The following HCRTR1 variants were observed in gnomAD, a reference collection of about 807,000 sequenced individuals.
HCRTR1 encodes the protein orexin/Hypocretin receptor type 1.
In HCRTR1, 28 loss-of-function variants were observed where a neutral mutation model predicts 40.6. That is an observed-to-expected ratio of 0.69 (90% CI 0.51 to 0.95). The LOEUF (loss-of-function observed/expected upper bound fraction) is 0.95, where lower values mean the gene tolerates loss of function less well. Among genes scored for constraint, HCRTR1 ranks in the 40% least tolerant of loss-of-function variants. The probability of loss-of-function intolerance (pLI) is 0.00; values close to 1 mark genes in which losing one functional copy is unlikely to be tolerated. For missense variants in HCRTR1, 482 were observed against 564.7 expected, an observed-to-expected ratio of 0.85 and a Z score of 1.48; for synonymous variants, 209 against 230.0, an observed-to-expected ratio of 0.91 and a Z score of 0.83.
Position 31,627,312 on chromosome 1 carries a change from C to G in HCRTR1, c.*332C>G. The G allele has an allele frequency of 6.1e-6, 8 of 1,307,070 alleles. No homozygotes were observed. The highest frequency in any genetic ancestry group is 8.0e-6 in the Non-Finnish European group (8 of 998,296). The allele number at this position is 1,307,070 out of a possible 1,614,324, so 81.0% of individuals were successfully genotyped here. A position where few individuals can be genotyped will look rare whatever the true frequency, so the allele number is the denominator to read the frequency against. On this transcript the variant is annotated 3_prime_UTR_variant, in exon 9 of 9. Coordinates refer to ENST00000403528, the MANE Select transcript of HCRTR1 (RefSeq NM_001525.3). ...CATCCTCCTAAAGACCCCTTTCCTA[C>G]CCAATTACAGGCCTTCCCTGGAGTC...
chr1:31,623,506 C>G lies in HCRTR1; in HGVS notation c.739-17C>G. Reference sequence around the variant, plus strand: ...GGTGCTGTACCCACCACTGCTGTCTCTATGTGTGCTGGACAGATCCCCGGC... The same window carrying G: ...GGTGCTGTACCCACCACTGCTGTCTGTATGTGTGCTGGACAGATCCCCGGC... On this transcript the variant is annotated splice_polypyrimidine_tract_variant and intron_variant, in intron 6 of 8. Transcript: ENST00000403528. 5.6e-6 allele frequency: 9 copies of G among 1,604,226 alleles called. No homozygotes were observed. Among genetic ancestry groups the G allele is most frequent in the African/African-American group, 1.3e-5 (1 of 74,898 alleles).
downstream of HCRTR1, chr1:31,630,508 T>C (rs1640064469): frequency 1.1e-5 from 13 of 1,144,276 alleles, no homozygotes; most frequent in Middle Eastern, 2.8e-4. Flanking sequence ...CAAGGGAGAA[T>C]GTTCTTCTAG....
chr1:31,628,302 C>A (rs1476070548), downstream of HCRTR1, among the ~76,000 whole-genome samples: 1 of 152,240 alleles, frequency 6.6e-6, no homozygotes, highest in African/African-American at 2.4e-5. Flanking sequence ...CCGCTTTACC[C>A]AGAGCAGGTG....
At chr1:31,621,117 C>A in intron 5 of HCRTR1, 31 bp downstream of exon 5, 2 of 1,585,640 alleles carry the variant, frequency 1.3e-6, no homozygotes, top group South Asian at 1.1e-5. Flanking sequence ...CAGGCATCCC[C>A]TCAGGTGGGC....
Position 31,627,133 on chromosome 1 carries a change from C to G in HCRTR1, c.*153C>G, listed in dbSNP as rs999698664. 23 of 1,424,374 alleles carry G rather than the reference C, an allele frequency of 1.6e-5. No individual in the cohort carries two copies. Among genetic ancestry groups the G allele is most frequent in the Middle Eastern group, 3.6e-4 (2 of 5,548 alleles). 88.2% of individuals were successfully genotyped at this position (1,424,374 alleles called of 1,614,324 possible). A position where few individuals can be genotyped will look rare whatever the true frequency, so the allele number is the denominator to read the frequency against. Reference sequence around the variant, plus strand: ...CTTCCTCTGTCTGAGCTTGTGTCCCCTAAGCAGGGTTGATGTGAGGATTAA... The same window carrying G: ...CTTCCTCTGTCTGAGCTTGTGTCCCGTAAGCAGGGTTGATGTGAGGATTAA... On this transcript the variant is annotated 3_prime_UTR_variant, in exon 9 of 9. Transcript: ENST00000403528.
downstream of HCRTR1, among the ~76,000 whole-genome samples, chr1:31,628,222 C>T (rs1305509276): frequency 1.3e-5 from 2 of 152,256 alleles, no homozygotes; most frequent in East Asian, 1.9e-4. Flanking sequence ...CCGTCAAGAA[C>T]GTGGGCAGAG....
At chr1:31,618,132 A>G (rs1239180736) in intron 1 of HCRTR1, 1 of 152,412 alleles carries the variant, frequency 6.6e-6, no homozygotes, top group Non-Finnish European at 1.5e-5. Flanking sequence ...GTGGGGTATG[A>G]AGGCGTCCCC....
At position 31,626,130 on chromosome 1, in the gene HCRTR1, G is replaced by A. The variant is rs1639971394; in HGVS notation, c.1088-660G>A. On this transcript the variant is annotated intron_variant, in intron 8 of 8. Coordinates refer to ENST00000403528, the MANE Select transcript of HCRTR1 (RefSeq NM_001525.3). The surrounding 1 kb of genome is among the most constrained non-coding windows in gnomAD (Gnocchi z 4.6). ...AGCCTAATGACACATGATCAAAGGGGCTTCAGCCTGACAAAATCTGTTTCC... is the reference window on the plus strand; with the variant it reads ...AGCCTAATGACACATGATCAAAGGGACTTCAGCCTGACAAAATCTGTTTCC... Among the ~76,000 whole-genome samples, 1 of 151,746 alleles carries A rather than the reference G, an allele frequency of 6.6e-6. No individual in the cohort carries two copies. Among genetic ancestry groups the A allele is most frequent in the African/African-American group, 2.4e-5 (1 of 41,002 alleles).
At position 31,627,203 on chromosome 1, in the gene HCRTR1, T is replaced by G; in HGVS notation, c.*223T>G. 2 of 1,493,648 alleles carry G rather than the reference T, an allele frequency of 1.3e-6. No homozygotes were observed. Among genetic ancestry groups the G allele is most frequent in the Non-Finnish European group, 1.8e-6 (2 of 1,119,144 alleles). 92.5% of individuals were successfully genotyped at this position (1,493,648 alleles called of 1,614,324 possible). On this transcript the variant is annotated 3_prime_UTR_variant, in exon 9 of 9. Coordinates refer to ENST00000403528, the MANE Select transcript of HCRTR1 (RefSeq NM_001525.3). ...AAGCTCCTTGTAAACTGTGAAGTGT[T>G]GTGGACATGATTATTGTTGTACTTC...
At chr1:31,632,768 G>T, downstream of HCRTR1, 1 of 1,089,458 alleles carries the variant, frequency 9.2e-7, no homozygotes, top group Non-Finnish European at 1.3e-6. Context: ...AAGCCCTGAG[G>T]CCCAGATGCC....
downstream of HCRTR1, among the ~76,000 whole-genome samples, chr1:31,628,070 G>A (rs1018586169): frequency 2.0e-5 from 3 of 152,200 alleles, no homozygotes; most frequent in African/African-American, 7.2e-5. Flanking sequence ...GAGCCTTGTT[G>A]CCAGAGAAGG....
At position 31,626,820 on chromosome 1, in the gene HCRTR1, TCTC is replaced by T. The variant is rs1203430240; in HGVS notation, c.1121_1123del (p.Ser374del). The stretch of plus-strand genomic sequence containing the variant: ...TTCCGGGAGCAGTTTAAGGCTGCCT[TCTC>T]CTGCTGCCTGCCTGGCCTGGGTCCC... On this transcript the variant is annotated inframe_deletion, in exon 9 of 9. Coordinates refer to ENST00000403528, the MANE Select transcript of HCRTR1 (RefSeq NM_001525.3). The surrounding 1 kb of genome is among the most constrained non-coding windows in gnomAD (Gnocchi z 4.6). 1.1e-5 allele frequency: 18 copies of T among 1,613,918 alleles called. No homozygotes were observed. Among genetic ancestry groups the T allele is most frequent in the African/African-American group, 2.7e-5 (2 of 74,896 alleles).
intron 4 of HCRTR1, 100 bp downstream of exon 4, chr1:31,619,810 C>A: frequency 8.8e-7 from 1 of 1,132,356 alleles, no homozygotes; most frequent in Non-Finnish European, 1.2e-6. Context: ...GCCTTTCAGA[C>A]AGGTCAGTGG....
chr1:31,627,923 T>A (rs1246224388), downstream of HCRTR1, among the ~76,000 whole-genome samples: 1 of 152,204 alleles, frequency 6.6e-6, no homozygotes, highest in Non-Finnish European at 1.5e-5. Flanking sequence ...ACAGGCTGAT[T>A]TACTGTTATC....
At chr1:31,618,964 G>A in intron 2 of HCRTR1, 87 bp from the exon 3 acceptor site, 1 of 562,228 alleles carries the variant, frequency 1.8e-6, no homozygotes, top group Non-Finnish European at 3.2e-6. Context: ...AATTAAGAGG[G>A]AACTTATACG....
In HCRTR1 at chr1:31,619,942, A is replaced by G. The variant is rs181009334; in HGVS notation, c.378+232A>G. Among the ~76,000 whole-genome samples, 3 of 152,332 alleles carry G rather than the reference A, an allele frequency of 2.0e-5. No individual in the cohort carries two copies. The East Asian group carries it at 5.8e-4, about 29-fold the overall frequency. Reference sequence around the variant, plus strand: ...GATCCCCTCCTGGTCACAGCCACAGACATATACATAGACACGTGTGGACAT... The same window carrying G: ...GATCCCCTCCTGGTCACAGCCACAGGCATATACATAGACACGTGTGGACAT... On this transcript the variant is annotated intron_variant, in intron 4 of 8. Transcript: ENST00000403528.
chr1:31,620,506 G>A (rs1639829758), intron 4 of HCRTR1, among the ~76,000 whole-genome samples: 1 of 152,224 alleles, frequency 6.6e-6, no homozygotes, highest in Admixed American at 6.5e-5. Context: ...GGATTGTCAT[G>A]AGGATGATGA....
chr1:31,623,763 G>A lies in HCRTR1; in HGVS notation c.965+14G>A. The A allele has an allele frequency of 1.2e-6, 2 of 1,600,956 alleles. No homozygotes were observed. Among genetic ancestry groups the A allele is most frequent in the Non-Finnish European group, 1.7e-6 (2 of 1,169,870 alleles). On this transcript the variant is annotated intron_variant, in intron 7 of 8. Transcript: ENST00000403528. The stretch of plus-strand genomic sequence containing the variant: ...TGTCCTTAAGAGGTGAGAGCACGGG[G>A]TATGGTTGGGGTGGGGAGAAGTTTG...
intron 4 of HCRTR1, among the ~76,000 whole-genome samples, chr1:31,620,568 G>T (rs11575884): frequency 1.3e-5 from 2 of 152,184 alleles, no homozygotes; most frequent in South Asian, 4.1e-4. Context: ...ATTATTCACC[G>T]GAGGGGTGCA....
Sources: allele counts gnomAD v4.1 joint callset (sites outside exome capture counted in the v4.1 genomes callset), GRCh38; gene constraint gnomAD v4.1.1; non-coding constraint Gnocchi (gnomAD v3.1); transcripts MANE v1.5; gene names NCBI Gene and HGNC (gene_info 2026-07-23, HGNC 2026-07-21).